PDE1C: variants seen among roughly 807,000 people sequenced by gnomAD.
PDE1C encodes the protein dual specificity calcium/calmodulin-dependent 3',5'-cyclic nucleotide phosphodiesterase 1C.
A neutral mutation model predicts 93.1 loss-of-function variants in PDE1C; 62 were observed. That is an observed-to-expected ratio of 0.67 (90% CI 0.54 to 0.82). The LOEUF (loss-of-function observed/expected upper bound fraction) is 0.82. PDE1C is among the 40% of genes least tolerant of loss of function. The probability of loss-of-function intolerance (pLI) is 0.00; values close to 1 mark genes in which losing one functional copy is unlikely to be tolerated. For synonymous variants in PDE1C, 325 were observed against 310.1 expected, an observed-to-expected ratio of 1.05 and a Z score of -0.50; for missense variants, 742 against 884.6, an observed-to-expected ratio of 0.84 and a Z score of 2.04.
chr7:31,884,230 T>G (rs117465263), intron 2 of PDE1C, among the ~76,000 whole-genome samples: 1,516 of 151,004 alleles, frequency 0.01, 14 homozygotes, highest in Non-Finnish European at 0.018. Flanking sequence ...CATGAAGAGA[T>G]GCAGCAATAA....
chr7:31,627,178 G>T, the PDE1C span, among the ~76,000 whole-genome samples: 6 of 152,124 alleles, frequency 3.9e-5, no homozygotes, highest in Non-Finnish European at 8.8e-5. Context: ...AGTATTCCCC[G>T]TTGTCCATGC....
At chr7:31,810,367 G>A (rs1787399244) in intron 15 of PDE1C, among the ~76,000 whole-genome samples, 6 of 152,144 alleles carry the variant, frequency 3.9e-5, no homozygotes, top group Admixed American at 3.9e-4. Flanking sequence ...TCCAGGGAAT[G>A]TGTATGAGGG....
chr7:32,124,651 T>C (rs1169248639), intron 3 of PDE1C, among the ~76,000 whole-genome samples: 1 of 152,154 alleles, frequency 6.6e-6, no homozygotes, highest in Non-Finnish European at 1.5e-5. Context: ...GCTAGCCATA[T>C]GCAGAAAACT....
chr7:32,344,748 T>G (rs1012976127), intron 1 of PDE1C, among the ~76,000 whole-genome samples: 15 of 152,258 alleles, frequency 9.9e-5, no homozygotes, highest in African/African-American at 2.9e-4. Flanking sequence ...TCCCTTTTTA[T>G]GTATTGTCTG....
At chr7:32,152,173 T>A (rs978577643) in intron 3 of PDE1C, among the ~76,000 whole-genome samples, 6 of 152,120 alleles carry the variant, frequency 3.9e-5, no homozygotes, top group African/African-American at 1.4e-4. Context: ...TGTTTCCAGG[T>A]AGGTCATGGA....
intron 3 of PDE1C, among the ~76,000 whole-genome samples, chr7:32,090,621 C>G (rs995409007): frequency 5.3e-5 from 8 of 152,138 alleles, no homozygotes; most frequent in Admixed American, 2.6e-4. Flanking sequence ...AAGGAAACCC[C>G]ACGGTTTGGA....
chr7:32,288,701 T>C (rs913177997), intron 1 of PDE1C, among the ~76,000 whole-genome samples: 8 of 152,218 alleles, frequency 5.3e-5, no homozygotes, highest in African/African-American at 1.7e-4. Flanking sequence ...CTAGATACAG[T>C]GGACCTTTCT....
At chr7:31,886,827 T>C (rs76931442) in intron 2 of PDE1C, among the ~76,000 whole-genome samples, 5,309 of 137,076 alleles carry the variant, frequency 0.039, 101 homozygotes, top group East Asian at 0.12. Context: ...TTCGGATCTT[T>C]TCAGAATAGA....
At chr7:31,646,749 T>G in the PDE1C span, among the ~76,000 whole-genome samples, 122 of 152,308 alleles carry the variant, frequency 8.0e-4, no homozygotes, top group Middle Eastern at 0.01. Context: ...GCTCAGTAAC[T>G]GTCCTCAGAC....
chr7:32,400,943 A>C (rs369052), intron 1 of PDE1C, among the ~76,000 whole-genome samples: 85,579 of 152,128 alleles, frequency 0.56, 24,710 homozygotes, highest in East Asian at 0.9. Flanking sequence ...CTCTGAGAAC[A>C]CATCTTCACT....
chr7:31,980,637 C>T (rs372228760), intron 2 of PDE1C, among the ~76,000 whole-genome samples: 2 of 152,218 alleles, frequency 1.3e-5, no homozygotes, highest in African/African-American at 4.8e-5. Flanking sequence ...AAATACCACA[C>T]CTTAGTGGCT....
At chr7:31,850,157 G>A (rs958860296) in intron 8 of PDE1C, among the ~76,000 whole-genome samples, 1 of 152,082 alleles carries the variant, frequency 6.6e-6, no homozygotes, top group Non-Finnish European at 1.5e-5. Flanking sequence ...AGGGAGTGGT[G>A]CAAGCACTAA....
chr7:31,989,943 A>C (rs1332697693), intron 2 of PDE1C, among the ~76,000 whole-genome samples: 1 of 152,242 alleles, frequency 6.6e-6, no homozygotes, highest in Non-Finnish European at 1.5e-5. Context: ...CTTATTGAGG[A>C]CTAGGCACTG....
intron 3 of PDE1C, among the ~76,000 whole-genome samples, chr7:32,119,959 C>A (rs6951261): frequency 6.6e-6 from 1 of 152,158 alleles, no homozygotes; most frequent in African/African-American, 2.4e-5. Flanking sequence ...ACAGCCAGCA[C>A]TGGGACTCAT....
intron 15 of PDE1C, among the ~76,000 whole-genome samples, chr7:31,814,576 T>C (rs1242443900): frequency 2.0e-5 from 3 of 151,854 alleles, no homozygotes; most frequent in Non-Finnish European, 4.4e-5. Context: ...CTAAGCACTT[T>C]CTACATGTAG....
intron 6 of PDE1C, among the ~76,000 whole-genome samples, chr7:31,872,819 G>T (rs951825118): frequency 9.9e-5 from 15 of 152,210 alleles, no homozygotes; most frequent in African/African-American, 3.6e-4. Context: ...AAGCATGAAT[G>T]GCTGGAAAAT....
At chr7:31,624,880 AAGG>A in the PDE1C span, among the ~76,000 whole-genome samples, 3 of 152,344 alleles carry the variant, frequency 2.0e-5, no homozygotes, top group East Asian at 5.8e-4. Context: ...TCATCTGACA[AAGG>A]GCTAATATCC....
At chr7:32,350,329 T>C (rs1783937971) in intron 1 of PDE1C, among the ~76,000 whole-genome samples, 1 of 152,174 alleles carries the variant, frequency 6.6e-6, no homozygotes, top group South Asian at 2.1e-4. Context: ...ACATACTTTA[T>C]GTTCTAGAGT....
chr7:32,362,543 A>G (rs1784155498), intron 1 of PDE1C, among the ~76,000 whole-genome samples: 1 of 152,152 alleles, frequency 6.6e-6, no homozygotes, highest in South Asian at 2.1e-4. Flanking sequence ...CACAGTGGCC[A>G]TCATAGATGG....
Sources: gnomAD v4.1 joint callset for allele counts (sites outside exome capture counted in the v4.1 genomes callset) on GRCh38, gnomAD v4.1.1 for gene constraint, MANE v1.5 for transcripts, NCBI Gene and HGNC (gene_info 2026-07-23, HGNC 2026-07-21) for gene names.